Variants in LRRIQ1 observed in about 807,000 individuals in gnomAD.
The protein encoded by LRRIQ1 is leucine rich repeats and IQ motif containing 1.
In LRRIQ1, 210 loss-of-function variants were observed where a neutral mutation model predicts 211.9. The observed-to-expected ratio is 0.99, with a 90% confidence interval of 0.89 to 1.11. LRRIQ1 has a LOEUF of 1.11. Ranked by LOEUF, LRRIQ1 falls within the 50% of genes most tolerant of loss-of-function variation. The pLI, the probability that LRRIQ1 is intolerant of heterozygous loss-of-function variation, is 0.00. For synonymous variants in LRRIQ1, 699 were observed against 650.1 expected (o/e 1.08, Z -1.14); for missense variants, 2,136 against 1,939.5 (o/e 1.10, Z -1.90).
chr12:85,256,777 AAG>A (rs1391751222), intron 1 of LRRIQ1, among the ~76,000 whole-genome samples: 3 of 151,120 alleles, frequency 2.0e-5, no homozygotes, highest in Non-Finnish European at 4.4e-5. Flanking sequence ...GTTCCATTGA[AAG>A]AAATACGTGT....
chr12:85,244,327 G>T (rs1386250015), intron 26 of LRRIQ1, among the ~76,000 whole-genome samples: 1 of 151,420 alleles, frequency 6.6e-6, no homozygotes, highest in South Asian at 2.1e-4. Flanking sequence ...TAGCTTAATT[G>T]TATGCAAGCA....
At chr12:85,150,252 A>G (rs1397366440) in intron 19 of LRRIQ1, among the ~76,000 whole-genome samples, 1 of 151,812 alleles carries the variant, frequency 6.6e-6, no homozygotes, top group Non-Finnish European at 1.5e-5. Flanking sequence ...TCATCAATTT[A>G]GCAGTTTTCA....
intron 24 of LRRIQ1, among the ~76,000 whole-genome samples, chr12:85,210,692 C>T (rs1893796666): frequency 6.6e-6 from 1 of 152,188 alleles, no homozygotes. Context: ...GTTGGGAGAC[C>T]GATCTCCATG....
chr12:85,064,121 G>T (rs546132093), intron 8 of LRRIQ1, among the ~76,000 whole-genome samples: 1 of 151,918 alleles, frequency 6.6e-6, no homozygotes, highest in African/African-American at 2.4e-5. Context: ...TCTCCACGGT[G>T]GCTGTACTAA....
the LRRIQ1 span, among the ~76,000 whole-genome samples, chr12:85,270,364 A>G: frequency 3.9e-5 from 6 of 152,092 alleles, no homozygotes; most frequent in Admixed American, 3.3e-4. Flanking sequence ...AAAATCATGG[A>G]AAATTTATGT....
chr12:85,208,573 CTTTAG>C (rs745823339), intron 24 of LRRIQ1, among the ~76,000 whole-genome samples: 3 of 151,984 alleles, frequency 2.0e-5, no homozygotes, highest in South Asian at 2.1e-4. Flanking sequence ...AAATAAGTAT[CTTTAG>C]TTTAATCAAA....
At chr12:85,231,130 CAT>C (rs1376809699) in intron 25 of LRRIQ1, among the ~76,000 whole-genome samples, 2 of 151,832 alleles carry the variant, frequency 1.3e-5, no homozygotes, top group African/African-American at 2.4e-5. Context: ...AACTGTTTCA[CAT>C]GAGTATCAAA....
chr12:85,272,060 G>A, the LRRIQ1 span, among the ~76,000 whole-genome samples: 12 of 152,158 alleles, frequency 7.9e-5, no homozygotes, highest in South Asian at 2.1e-4. Flanking sequence ...GTTGCATGAC[G>A]TACCATAGAG....
In LRRIQ1 at chr12:85,192,960, A is replaced by AATATAATTATATATAAAT. The variant is rs1565894818; in HGVS notation, c.4822+32260_4822+32277dup. ...ATTATATATAAATATATAATTATAT[A>AATATAATTATATATAAAT]ATATAATTATATATAAATATATAAT... On this transcript the variant is annotated intron_variant, in intron 24 of 26. Coordinates refer to ENST00000393217, the MANE Select transcript of LRRIQ1 (RefSeq NM_001079910.2). 8.0e-5 allele frequency among the ~76,000 whole-genome samples: 7 copies of AATATAATTATATATAAAT among 87,080 alleles called. No individual in the cohort carries two copies. The East Asian group carries it at 2.0e-3, about 25-fold the overall frequency. The allele number at this position is 87,080 out of a possible 152,430, so 57.1% of individuals were successfully genotyped here. A position where few individuals can be genotyped will look rare whatever the true frequency, so the allele number is the denominator to read the frequency against.
At chr12:85,238,855 C>A (rs1201189489) in intron 26 of LRRIQ1, among the ~76,000 whole-genome samples, 2 of 151,964 alleles carry the variant, frequency 1.3e-5, no homozygotes, top group African/African-American at 2.4e-5. Flanking sequence ...ATGACATCTT[C>A]TTGTACATAA....
At chr12:85,238,140 T>C (rs1895277309) in intron 26 of LRRIQ1, among the ~76,000 whole-genome samples, 1 of 149,728 alleles carries the variant, frequency 6.7e-6, no homozygotes, top group Non-Finnish European at 1.5e-5. Flanking sequence ...AAAAAAATAA[T>C]GGCTGGACTT....
intron 14 of LRRIQ1, among the ~76,000 whole-genome samples, chr12:85,105,656 G>A (rs1034214399): frequency 6.6e-6 from 1 of 151,950 alleles, no homozygotes; most frequent in Non-Finnish European, 1.5e-5. Context: ...TCAGGGTGTT[G>A]TTGTCTTCCT....
intron 13 of LRRIQ1, among the ~76,000 whole-genome samples, chr12:85,102,813 G>A (rs934220534): frequency 2.0e-5 from 3 of 150,912 alleles, no homozygotes; most frequent in South Asian, 2.1e-4. Flanking sequence ...TAAAAAACAC[G>A]AAAGCAATAA....
intron 23 of LRRIQ1, among the ~76,000 whole-genome samples, chr12:85,157,355 T>A (rs2136702112): frequency 6.6e-6 from 1 of 151,956 alleles, no homozygotes; most frequent in Middle Eastern, 3.4e-3. Flanking sequence ...TTGTGAGGAG[T>A]TATCATTACT....
chr12:85,152,837 G>T (rs1156538721), intron 20 of LRRIQ1, among the ~76,000 whole-genome samples, 187 bp from the exon 21 acceptor site: 1 of 151,428 alleles, frequency 6.6e-6, no homozygotes, highest in Admixed American at 6.6e-5. Context: ...ATCCCAAAAA[G>T]CATAATTTCC....
intron 24 of LRRIQ1, among the ~76,000 whole-genome samples, chr12:85,229,231 ACT>A (rs1404279814): frequency 2.0e-5 from 3 of 152,130 alleles, no homozygotes; most frequent in Non-Finnish European, 4.4e-5. Context: ...CCAAAAAATA[ACT>A]CTCTGATTTT....
At chr12:85,253,658 G>A (rs1159192148) in intron 1 of LRRIQ1, among the ~76,000 whole-genome samples, 1 of 151,992 alleles carries the variant, frequency 6.6e-6, no homozygotes, top group Non-Finnish European at 1.5e-5. Flanking sequence ...ACATAAAATA[G>A]TAGGCCAAAG....
chr12:85,207,250 C>T (rs1246479877), intron 24 of LRRIQ1, among the ~76,000 whole-genome samples: 1 of 152,012 alleles, frequency 6.6e-6, no homozygotes, highest in Non-Finnish European at 1.5e-5. Context: ...TGTGTCCTCC[C>T]TCCGTCCACT....
At chr12:85,117,348 G>A (rs372793944) in intron 15 of LRRIQ1, among the ~76,000 whole-genome samples, 1 of 152,130 alleles carries the variant, frequency 6.6e-6, no homozygotes. Context: ...CACTTTTCCC[G>A]GTGAAAAGTA....
Sources: allele counts gnomAD v4.1 joint callset (sites outside exome capture counted in the v4.1 genomes callset), GRCh38; gene constraint gnomAD v4.1.1; transcripts MANE v1.5; gene names NCBI Gene and HGNC (gene_info 2026-07-23, HGNC 2026-07-21).